The following NELL1 variants were observed in gnomAD, a reference collection of about 807,000 sequenced individuals.
NELL1 encodes the protein protein kinase C-binding protein NELL1.
In NELL1, 76 loss-of-function variants were observed where a neutral mutation model predicts 107.4. The observed-to-expected ratio is 0.71, with a 90% CI of 0.59 to 0.86. The LOEUF (loss-of-function observed/expected upper bound fraction) is 0.86, where lower values mean the gene tolerates loss of function less well. Ranked by LOEUF, NELL1 falls within the 40% of genes least tolerant of loss-of-function variation. The pLI is 0.00. For missense variants in NELL1, 1,024 were observed against 1,005.5 expected (o/e 1.02, Z -0.25); for synonymous variants, 353 against 341.2 (o/e 1.03, Z -0.38).
intron 12 of NELL1, among the ~76,000 whole-genome samples, chr11:21,009,056 T>C (rs750410994): frequency 1.1e-4 from 16 of 152,156 alleles, no homozygotes; most frequent in Non-Finnish European, 2.4e-4. Context: ...TTGATGTCCA[T>C]GGACCTGTGT....
intron 12 of NELL1, among the ~76,000 whole-genome samples, chr11:21,016,225 C>G (rs1213468651): frequency 1.3e-5 from 2 of 152,064 alleles, no homozygotes; most frequent in Non-Finnish European, 2.9e-5. Context: ...GACAAATCAG[C>G]TTTGGCTTAA....
chr11:21,455,613 G>A (rs1038811927), intron 15 of NELL1, among the ~76,000 whole-genome samples: 22 of 152,014 alleles, frequency 1.4e-4, no homozygotes, highest in Admixed American at 1.4e-3. Context: ...AATTATAGGC[G>A]AGGACAACCA....
intron 17 of NELL1, among the ~76,000 whole-genome samples, chr11:21,565,591 T>C (rs1428145578): frequency 6.6e-6 from 1 of 151,892 alleles, no homozygotes; most frequent in Non-Finnish European, 1.5e-5. Context: ...TTGAAAACTT[T>C]TGCCCCAAGA....
intron 14 of NELL1, among the ~76,000 whole-genome samples, chr11:21,368,037 A>T (rs903591076): frequency 2.6e-5 from 4 of 151,824 alleles, no homozygotes; most frequent in Non-Finnish European, 5.9e-5. Context: ...ACTAAGATAC[A>T]TCAGTATTTC....
intron 2 of NELL1, among the ~76,000 whole-genome samples, chr11:20,682,623 A>G (rs1854216713): frequency 6.6e-6 from 1 of 152,098 alleles, no homozygotes; most frequent in Admixed American, 6.6e-5. Context: ...TATTCAAAAT[A>G]TACAACTTGG....
chr11:20,877,349 T>A (rs1849323887), intron 4 of NELL1, among the ~76,000 whole-genome samples: 1 of 152,246 alleles, frequency 6.6e-6, no homozygotes, highest in Non-Finnish European at 1.5e-5. Flanking sequence ...GCATAATACA[T>A]GTCAATTCAC....
At chr11:20,771,270 G>A (rs185360100) in intron 2 of NELL1, among the ~76,000 whole-genome samples, 78 of 152,206 alleles carry the variant, frequency 5.1e-4, no homozygotes, top group African/African-American at 1.8e-3. Flanking sequence ...GTTGGTCCCT[G>A]AGTGTCAAAT....
intron 3 of NELL1, among the ~76,000 whole-genome samples, chr11:20,795,094 C>G (rs182077289): frequency 6.6e-6 from 1 of 152,322 alleles, no homozygotes; most frequent in African/African-American, 2.4e-5. Context: ...GGCTGAGTTC[C>G]CTTCTGGCCA....
At chr11:21,019,827 T>C (rs925937574) in intron 12 of NELL1, among the ~76,000 whole-genome samples, 2 of 152,102 alleles carry the variant, frequency 1.3e-5, no homozygotes, top group East Asian at 3.9e-4. Context: ...GCACCCTGAA[T>C]GGCTTAGCTT....
chr11:20,919,442 A>G (rs1850330861), intron 7 of NELL1, 108 bp downstream of exon 7: 6 of 649,332 alleles, frequency 9.2e-6, no homozygotes, highest in Admixed American at 5.2e-5. Context: ...CATCTGCTAT[A>G]TGTTACTACA....
chr11:21,474,179 C>T (rs1157044188), intron 15 of NELL1, among the ~76,000 whole-genome samples: 1 of 152,002 alleles, frequency 6.6e-6, no homozygotes, highest in Non-Finnish European at 1.5e-5. Context: ...ATTTTACTCA[C>T]ATTAACTTTC....
Position 21,428,890 on chromosome 11 carries a change from A to G in NELL1, c.1645+57942A>G, listed in dbSNP as rs373203973. ...GTGACTTTCTTGGTTGTAATAATCT[A>G]TGGATAATCTAAGAATTATCACATC... On this transcript the variant is annotated intron_variant, in intron 15 of 19. Transcript: ENST00000357134. Among the ~76,000 whole-genome samples the G allele has an allele frequency of 2.0e-5, 3 of 152,202 alleles. No individual in the cohort carries two copies. The East Asian group carries it at 5.8e-4, about 29-fold the overall frequency.
intron 2 of NELL1, among the ~76,000 whole-genome samples, chr11:20,696,505 T>C (rs1030836471): frequency 1.3e-5 from 2 of 152,110 alleles, no homozygotes; most frequent in Non-Finnish European, 2.9e-5. Flanking sequence ...TATTTAACAT[T>C]ATTGCCACAT....
At chr11:20,690,067 G>A (rs1273882359) in intron 2 of NELL1, among the ~76,000 whole-genome samples, 2 of 152,092 alleles carry the variant, frequency 1.3e-5, no homozygotes, top group African/African-American at 4.8e-5. Context: ...TGTGTCTTCT[G>A]GCTGCATAAA....
intron 14 of NELL1, among the ~76,000 whole-genome samples, chr11:21,331,954 C>T (rs1385142242): frequency 6.6e-6 from 1 of 151,974 alleles, no homozygotes; most frequent in Non-Finnish European, 1.5e-5. Flanking sequence ...GCGCTCTTTC[C>T]CCTTGTGGCA....
intron 4 of NELL1, among the ~76,000 whole-genome samples, chr11:20,856,824 T>C (rs1472503496): frequency 5.3e-5 from 8 of 152,222 alleles, no homozygotes; most frequent in Admixed American, 2.0e-4. Flanking sequence ...TAGTGTCTTA[T>C]GTTTCTCTAG....
intron 4 of NELL1, among the ~76,000 whole-genome samples, chr11:20,880,218 C>T (rs941349582): frequency 6.6e-6 from 1 of 152,170 alleles, no homozygotes; most frequent in Non-Finnish European, 1.5e-5. Context: ...AAATTCAAAG[C>T]ATAAGTAAGC....
intron 14 of NELL1, among the ~76,000 whole-genome samples, chr11:21,266,015 C>A (rs1412170270): frequency 6.6e-6 from 1 of 151,936 alleles, no homozygotes; most frequent in Non-Finnish European, 1.5e-5. Flanking sequence ...GCCTCTGTGT[C>A]AAAAATCCTC....
At chr11:20,721,710 T>G (rs376211857) in intron 2 of NELL1, among the ~76,000 whole-genome samples, 4 of 152,178 alleles carry the variant, frequency 2.6e-5, no homozygotes, top group African/African-American at 9.7e-5. Context: ...ATTTTAATGT[T>G]TTTAGAAAAG....
Sources: gnomAD v4.1 joint callset for allele counts (sites outside exome capture counted in the v4.1 genomes callset) on GRCh38, gnomAD v4.1.1 for gene constraint, MANE v1.5 for transcripts, NCBI Gene and HGNC (gene_info 2026-07-23, HGNC 2026-07-21) for gene names.